Variants in BCAR3 observed in about 807,000 individuals in gnomAD.
BCAR3 encodes BCAR3 adaptor protein, NSP family member.
In BCAR3, 37 loss-of-function variants were observed where a neutral mutation model predicts 80.1. The ratio of observed to expected loss-of-function variants is 0.46; its 90% CI spans 0.36 to 0.61. The LOEUF (loss-of-function observed/expected upper bound fraction) is 0.61. BCAR3 is among the 20% of genes least tolerant of loss of function. The pLI, the probability that BCAR3 is intolerant of heterozygous loss-of-function variation, is 0.00. For missense variants in BCAR3, 978 were observed against 1,068.2 expected (o/e 0.92, Z 1.18); for synonymous variants, 389 against 418.9 (o/e 0.93, Z 0.87).
chr1:93,603,217 C>T (rs1314763945), intron 3 of BCAR3, among the ~76,000 whole-genome samples: 1 of 152,206 alleles, frequency 6.6e-6, no homozygotes, highest in African/African-American at 2.4e-5. Flanking sequence ...CAAATGTGAA[C>T]GTGGGCAATT....
intron 3 of BCAR3, among the ~76,000 whole-genome samples, chr1:93,628,010 C>T (rs1026064761): frequency 9.9e-5 from 15 of 151,874 alleles, no homozygotes; most frequent in African/African-American, 2.4e-4. Flanking sequence ...ATGTAAGAAA[C>T]GACAAATAAA....
At chr1:93,663,784 C>G (rs1647768982) in intron 2 of BCAR3, among the ~76,000 whole-genome samples, 1 of 152,162 alleles carries the variant, frequency 6.6e-6, no homozygotes, top group Non-Finnish European at 1.5e-5. Context: ...TCCTCATTAC[C>G]ACACTGGGGG....
At chr1:93,645,442 C>T (rs777935894) in intron 2 of BCAR3, among the ~76,000 whole-genome samples, 14 of 152,052 alleles carry the variant, frequency 9.2e-5, no homozygotes, top group Non-Finnish European at 1.9e-4. Flanking sequence ...GGAAAAAGAA[C>T]CCTAGGGTCG....
At chr1:93,677,504 G>A (rs966711217) in intron 1 of BCAR3, among the ~76,000 whole-genome samples, 21 of 152,180 alleles carry the variant, frequency 1.4e-4, no homozygotes, top group African/African-American at 5.1e-4. Context: ...TGGTTGTTCT[G>A]GAGGGGAGAG....
In BCAR3 at chr1:93,703,566, T is replaced by TAA. The variant is rs1439567076; in HGVS notation, c.-12+2524_-12+2525dup. On this transcript the variant is annotated intron_variant, in intron 3 of 13. Transcript: ENST00000370244. ...TGTGACAGAGCAAAACCCTGTCTCT[T>TAA]AAAAAGAAAAAAAAAAAAAAGAGAT... Among the ~76,000 whole-genome samples the TAA allele has an allele frequency of 8.4e-3, 385 of 45,614 alleles. 5 individuals carry two copies. Among genetic ancestry groups the TAA allele is most frequent in the African/African-American group, 0.012 (358 of 28,730 alleles). 29.9% of individuals were successfully genotyped at this position (45,614 alleles called of 152,430 possible). A position where few individuals can be genotyped will look rare whatever the true frequency, so the allele number is the denominator to read the frequency against.
chr1:93,741,476 G>T (rs892794064), intron 2 of BCAR3, among the ~76,000 whole-genome samples: 3 of 152,192 alleles, frequency 2.0e-5, no homozygotes, highest in Non-Finnish European at 4.4e-5. Context: ...TAAGGTTGTT[G>T]TAAGGATTAA....
chr1:93,777,586 T>C (rs1406328959), intron 2 of BCAR3, among the ~76,000 whole-genome samples: 1 of 148,834 alleles, frequency 6.7e-6, no homozygotes, highest in East Asian at 2.0e-4. Flanking sequence ...TGTGCCTGGC[T>C]AATTTAAAAT....
chr1:93,806,514 A>G (rs1459119344), intron 2 of BCAR3, among the ~76,000 whole-genome samples: 2 of 152,236 alleles, frequency 1.3e-5, no homozygotes, highest in African/African-American at 4.8e-5. Flanking sequence ...AACTCTGTTC[A>G]GGTGTGGTGA....
chr1:93,683,914 GT>G (rs1648887294), upstream of BCAR3, among the ~76,000 whole-genome samples: 1 of 152,044 alleles, frequency 6.6e-6, no homozygotes, highest in Non-Finnish European at 1.5e-5. Context: ...GACTCTGCTT[GT>G]ATGTTTTACT....
chr1:93,672,729 C>T (rs917779661), intron 2 of BCAR3, among the ~76,000 whole-genome samples: 2 of 152,182 alleles, frequency 1.3e-5, no homozygotes, highest in African/African-American at 2.4e-5. Flanking sequence ...GGAGCCGGTC[C>T]AGGGCCTTCT....
intron 2 of BCAR3, among the ~76,000 whole-genome samples, chr1:93,709,540 C>CT (rs1649946537): frequency 6.6e-6 from 1 of 152,162 alleles, no homozygotes; most frequent in African/African-American, 2.4e-5. Flanking sequence ...AGCCTTCTCT[C>CT]TTAGTGTGGG....
chr1:93,632,157 G>A (rs536424037), intron 3 of BCAR3, among the ~76,000 whole-genome samples: 1 of 152,348 alleles, frequency 6.6e-6, no homozygotes, highest in South Asian at 2.1e-4. Context: ...CACTATCCTT[G>A]TGATTGTGCA....
chr1:93,720,572 C>A (rs1650357942), intron 2 of BCAR3, among the ~76,000 whole-genome samples: 1 of 152,176 alleles, frequency 6.6e-6, no homozygotes, highest in African/African-American at 2.4e-5. Context: ...TGATGGAGAC[C>A]CGAAGTTGGG....
chr1:93,663,801 T>G (rs1372389393), intron 2 of BCAR3, among the ~76,000 whole-genome samples: 1 of 152,192 alleles, frequency 6.6e-6, no homozygotes, highest in Non-Finnish European at 1.5e-5. Flanking sequence ...GGGGAATCCT[T>G]TAAAGGAGCA....
At chr1:93,603,270 T>C (rs1674677084) in intron 3 of BCAR3, among the ~76,000 whole-genome samples, 1 of 152,276 alleles carries the variant, frequency 6.6e-6, no homozygotes, top group South Asian at 2.1e-4. Flanking sequence ...CATGGTGGCC[T>C]GGCCAGCGGT....
intron 2 of BCAR3, among the ~76,000 whole-genome samples, chr1:93,771,258 A>G (rs572259520): frequency 6.6e-6 from 1 of 152,308 alleles, no homozygotes; most frequent in African/African-American, 2.4e-5. Flanking sequence ...TTACACAGGC[A>G]ATCTAATTCC....
At position 93,582,808 on chromosome 1, in the gene BCAR3, C is replaced by T. The variant is rs1239319295; in HGVS notation, c.1179G>A (p.Arg393=). ...SSDARAGEAL[R]GSDSQLCPKP... is the part of the protein sequence containing the mutation. ...TAGGGCACAGTTGACTGTCTGATCC[C>T]CTCAGCGCCTCCCCAGCCCTGGCGT... The change falls in exon 7 of 12, where the codon AGG becomes AGA. Residue 393 remains arginine (R), a synonymous_variant. Transcript: ENST00000260502. 1 of 1,614,006 alleles carries T rather than the reference C, an allele frequency of 6.2e-7. No homozygotes were observed. Among genetic ancestry groups the T allele is most frequent in the East Asian group, 2.2e-5 (1 of 44,864 alleles).
chr1:93,672,330 A>AC (rs976351581), intron 2 of BCAR3, among the ~76,000 whole-genome samples: 4 of 135,280 alleles, frequency 3.0e-5, no homozygotes, highest in East Asian at 2.2e-4. Context: ...CTCCCCACCC[A>AC]CCCCCCTAGT....
intron 3 of BCAR3, among the ~76,000 whole-genome samples, chr1:93,628,077 T>C (rs1443343310): frequency 6.6e-6 from 1 of 152,166 alleles, no homozygotes; most frequent in African/African-American, 2.4e-5. Context: ...CACTGAATCA[T>C]TCTACTCCTA....
Sources: gnomAD v4.1 joint callset for allele counts (sites outside exome capture counted in the v4.1 genomes callset) on GRCh38, gnomAD v4.1.1 for gene constraint, MANE v1.5 for transcripts, NCBI Gene and HGNC (gene_info 2026-07-23, HGNC 2026-07-21) for gene names.